The following CNTNAP2 variants were observed in gnomAD, a reference collection of about 807,000 sequenced individuals.
CNTNAP2 encodes the protein contactin-associated protein-like 2.
In CNTNAP2, 98 loss-of-function variants were observed where a neutral mutation model predicts 155.2. The observed-to-expected ratio is 0.63, with a 90% confidence interval of 0.54 to 0.75. The LOEUF is 0.75. CNTNAP2 is among the 30% of genes least tolerant of loss of function. The pLI is 0.00. For synonymous variants in CNTNAP2, 651 were observed against 631.2 expected, an observed-to-expected ratio of 1.03 and a Z score of -0.47; for missense variants, 1,727 against 1,688.1, an observed-to-expected ratio of 1.02 and a Z score of -0.40.
intron 8 of CNTNAP2, among the ~76,000 whole-genome samples, chr7:147,271,179 TC>T (rs1364951080): frequency 4.6e-5 from 7 of 152,186 alleles, no homozygotes; most frequent in Non-Finnish European, 2.9e-5. Context: ...ATTGAATAGA[TC>T]CTTGTCTTAG....
intron 20 of CNTNAP2, among the ~76,000 whole-genome samples, chr7:148,264,202 G>A (rs1273818369): frequency 6.6e-6 from 1 of 152,112 alleles, no homozygotes; most frequent in African/African-American, 2.4e-5. Flanking sequence ...AATGATTTTT[G>A]TTGTATATTT....
In CNTNAP2 at chr7:148,351,744, C is replaced by CAAAAAAAAAAAAAAAAAAAAAAA. The variant is rs71188974; in HGVS notation, c.3476-31889_3476-31888insAAAAAAAAAAAAAAAAAAAAAAA. 6.7e-4 allele frequency among the ~76,000 whole-genome samples: 57 copies of CAAAAAAAAAAAAAAAAAAAAAAA among 85,374 alleles called. 3 individuals are homozygous for CAAAAAAAAAAAAAAAAAAAAAAA. The highest frequency in any genetic ancestry group is 2.0e-3 in the South Asian group (4 of 2,036). The allele number at this position is 85,374 out of a possible 152,430, so 56.0% of individuals were successfully genotyped here. On this transcript the variant is annotated intron_variant, in intron 21 of 23. Transcript: ENST00000361727. ...GGCAACAGAGTGAGACTCTGTCTCA[C>CAAAAAAAAAAAAAAAAAAAAAAA]AAAAAAAAAAAAAAAATAGAAACCG...
chr7:147,316,942 T>C (rs990981340), intron 9 of CNTNAP2, among the ~76,000 whole-genome samples: 2 of 152,328 alleles, frequency 1.3e-5, no homozygotes, highest in African/African-American at 4.8e-5. Context: ...AAATTTATAA[T>C]TGCATTCTCC....
intron 1 of CNTNAP2, among the ~76,000 whole-genome samples, chr7:146,475,405 A>T (rs1408875290): frequency 1.3e-5 from 2 of 152,188 alleles, no homozygotes; most frequent in East Asian, 1.9e-4. Flanking sequence ...CATCTTGAGG[A>T]TGAGAAGAGA....
chr7:147,941,525 G>T (rs1800721567), intron 14 of CNTNAP2, among the ~76,000 whole-genome samples: 2 of 152,192 alleles, frequency 1.3e-5, no homozygotes, highest in South Asian at 2.1e-4. Context: ...TCCCTGGAGA[G>T]CTTTGCAGAC....
chr7:147,457,582 T>C (rs1797940979), intron 10 of CNTNAP2, among the ~76,000 whole-genome samples: 2 of 152,076 alleles, frequency 1.3e-5, no homozygotes, highest in African/African-American at 4.8e-5. Flanking sequence ...GTTTTTCTTA[T>C]ATTCCCTTCG....
At chr7:147,798,061 G>A (rs113238339) in intron 13 of CNTNAP2, among the ~76,000 whole-genome samples, 5 of 152,144 alleles carry the variant, frequency 3.3e-5, no homozygotes, top group East Asian at 1.9e-4. Context: ...CTAAAAATGC[G>A]TTAGTAGGGC....
chr7:147,516,866 T>G (rs1584785516), intron 11 of CNTNAP2, among the ~76,000 whole-genome samples: 1 of 148,002 alleles, frequency 6.8e-6, no homozygotes, highest in African/African-American at 2.5e-5. Flanking sequence ...TTTTTTTTTT[T>G]GCGTGTGTGT....
chr7:148,272,904 A>T (rs1453774199), intron 21 of CNTNAP2, among the ~76,000 whole-genome samples: 1 of 152,224 alleles, frequency 6.6e-6, no homozygotes, highest in Non-Finnish European at 1.5e-5. Flanking sequence ...TCAGAAAAAA[A>T]TATGATTTGA....
chr7:146,251,338 C>G (rs1799753722), intron 1 of CNTNAP2, among the ~76,000 whole-genome samples: 1 of 151,850 alleles, frequency 6.6e-6, no homozygotes, highest in Non-Finnish European at 1.5e-5. Flanking sequence ...TGACAGATAC[C>G]AAATTTAATA....
At chr7:147,009,762 C>G (rs765527457) in intron 3 of CNTNAP2, among the ~76,000 whole-genome samples, 2 of 152,026 alleles carry the variant, frequency 1.3e-5, no homozygotes, top group Non-Finnish European at 2.9e-5. Context: ...TTCCTTCTAC[C>G]TAGAGCTTAA....
intron 1 of CNTNAP2, among the ~76,000 whole-genome samples, chr7:146,668,005 A>G (rs564467872): frequency 6.6e-6 from 1 of 152,162 alleles, no homozygotes; most frequent in South Asian, 2.1e-4. Flanking sequence ...TTCTAGTTCT[A>G]TATTGAGTGC....
chr7:147,947,492 G>A (rs189095485), intron 14 of CNTNAP2, among the ~76,000 whole-genome samples: 27 of 149,484 alleles, frequency 1.8e-4, no homozygotes, highest in Admixed American at 1.5e-3. Context: ...GTTGGGCATT[G>A]TAGTGCATGC....
At chr7:147,907,222 T>A (rs904396979) in intron 14 of CNTNAP2, among the ~76,000 whole-genome samples, 4 of 151,830 alleles carry the variant, frequency 2.6e-5, no homozygotes, top group South Asian at 4.2e-4. Context: ...ACGCCTGGCT[T>A]ATTTTTTGTA....
At chr7:148,245,008 A>AT (rs1438786742) in intron 20 of CNTNAP2, among the ~76,000 whole-genome samples, 1 of 152,060 alleles carries the variant, frequency 6.6e-6, no homozygotes, top group Non-Finnish European at 1.5e-5. Context: ...ATGCATTTGT[A>AT]TTTTTTTACT....
chr7:146,192,755 T>C (rs1307359392), intron 1 of CNTNAP2, among the ~76,000 whole-genome samples: 1 of 152,134 alleles, frequency 6.6e-6, no homozygotes, highest in Admixed American at 6.6e-5. Flanking sequence ...AATCATGCCT[T>C]CCCAACAGTC....
At chr7:147,054,923 T>C (rs137997835) in intron 4 of CNTNAP2, among the ~76,000 whole-genome samples, 1 of 152,190 alleles carries the variant, frequency 6.6e-6, no homozygotes. Flanking sequence ...AAATGAAGCA[T>C]GTATATTTTT....
intron 3 of CNTNAP2, among the ~76,000 whole-genome samples, chr7:146,990,454 C>G (rs915145041): frequency 1.3e-5 from 2 of 152,108 alleles, no homozygotes; most frequent in African/African-American, 4.8e-5. Flanking sequence ...CCTTCTTTCT[C>G]AATTTATACC....
intron 22 of CNTNAP2, among the ~76,000 whole-genome samples, chr7:148,391,767 A>G (rs1402050401): frequency 1.3e-5 from 2 of 152,212 alleles, no homozygotes; most frequent in Non-Finnish European, 2.9e-5. Context: ...ACAGCCACAG[A>G]TGGCAGTGCA....
Sources: allele counts gnomAD v4.1 joint callset (sites outside exome capture counted in the v4.1 genomes callset), GRCh38; gene constraint gnomAD v4.1.1; transcripts MANE v1.5; gene names NCBI Gene and HGNC (gene_info 2026-07-23, HGNC 2026-07-21).